The following TBCEL variants were observed in gnomAD, a reference collection of about 807,000 sequenced individuals.
TBCEL encodes tubulin folding cofactor E like, also known as tubulin-specific chaperone cofactor E-like protein.
Under a neutral mutation model 44.2 loss-of-function variants are expected in TBCEL, and 15 were observed. That is an observed-to-expected ratio of 0.34 (90% CI 0.23 to 0.52). The LOEUF is 0.52. Ranked by LOEUF, TBCEL falls within the 20% of genes least tolerant of loss-of-function variation. The pLI is 0.95. For missense variants in TBCEL, 319 were observed against 506.3 expected (o/e 0.63, Z 3.55); for synonymous variants, 171 against 185.4 (o/e 0.92, Z 0.63).
At chr11:121,064,254 C>A (rs1945776624) in intron 8 of TBCEL, among the ~76,000 whole-genome samples, 1 of 152,188 alleles carries the variant, frequency 6.6e-6, no homozygotes, top group South Asian at 2.1e-4. Flanking sequence ...GCAGACCTGT[C>A]TACTCTTACA....
chr11:121,054,525 A>G (rs948554459), intron 5 of TBCEL, among the ~76,000 whole-genome samples: 2 of 151,926 alleles, frequency 1.3e-5, no homozygotes, highest in African/African-American at 4.8e-5. Flanking sequence ...TAAAATGGGC[A>G]TAATTGCATT....
rs1256532988 is a variant in TBCEL at position 121,090,717 on chromosome 11, A to G, written c.*3621A>G. 6.6e-6 allele frequency: 1 copy of G among 150,488 alleles called. No individual in the cohort carries two copies. The highest frequency in any genetic ancestry group is 2.4e-5 in the African/African-American group (1 of 41,142). 9.3% of individuals were successfully genotyped at this position (150,488 alleles called of 1,614,324 possible). ...TTAAACATGAAGGTCTATTCTTTGCACTTTTTATTAATATATATATAGATA... is the reference window on the plus strand; with the variant it reads ...TTAAACATGAAGGTCTATTCTTTGCGCTTTTTATTAATATATATATAGATA... On this transcript the variant is annotated 3_prime_UTR_variant, in exon 9 of 9. Transcript: ENST00000683345.
At chr11:121,059,719 GC>G (rs1423762246) in intron 7 of TBCEL, among the ~76,000 whole-genome samples, 2 of 151,894 alleles carry the variant, frequency 1.3e-5, no homozygotes, top group African/African-American at 4.8e-5. Flanking sequence ...GGACAGTGCT[GC>G]CTAGAATCTT....
At chr11:121,082,844 A>C (rs941390607) in intron 8 of TBCEL, among the ~76,000 whole-genome samples, 5 of 152,174 alleles carry the variant, frequency 3.3e-5, no homozygotes, top group African/African-American at 1.2e-4. Flanking sequence ...GAAAGGGAAA[A>C]TCAGCAAGCT....
chr11:121,027,986 C>T (rs1945076357), intron 1 of TBCEL, among the ~76,000 whole-genome samples: 2 of 152,012 alleles, frequency 1.3e-5, no homozygotes, highest in African/African-American at 2.4e-5. Flanking sequence ...GTAGGAGGAT[C>T]GCTTGAATCC....
At chr11:121,041,638 C>T (rs1157092261) in intron 2 of TBCEL, among the ~76,000 whole-genome samples, 1 of 151,268 alleles carries the variant, frequency 6.6e-6, no homozygotes, top group African/African-American at 2.4e-5. Flanking sequence ...CCCCCAAAAA[C>T]CTTGTAAAGG....
chr11:121,087,469 CAT>C lies in TBCEL; in HGVS notation c.*375_*376del, dbSNP rs1347689482. On this transcript the variant is annotated 3_prime_UTR_variant, in exon 9 of 9. Coordinates refer to ENST00000683345, the MANE Select transcript of TBCEL (RefSeq NM_001363644.2). ...ACACTGTAGCCCCTTAGAAGGGTCT[CAT>C]AGAGAATTTAAACAGGGTGACAAGG... is the stretch of plus-strand genomic sequence containing the variant. 1.2e-5 allele frequency: 2 copies of C among 173,768 alleles called. No individual in the cohort carries two copies. The highest frequency in any genetic ancestry group is 2.4e-5 in the Non-Finnish European group (2 of 82,114). The allele number at this position is 173,768 out of a possible 1,614,324, so 10.8% of individuals were successfully genotyped here. A position where few individuals can be genotyped will look rare whatever the true frequency, so the allele number is the denominator to read the frequency against.
At chr11:121,044,116 A>G (rs1945384846) in intron 2 of TBCEL, among the ~76,000 whole-genome samples, 1 of 152,058 alleles carries the variant, frequency 6.6e-6, no homozygotes, top group Admixed American at 6.6e-5. Flanking sequence ...GCTTTTTAAC[A>G]TGATCGTGAA....
chr11:121,060,122 T>G, intron 8 of TBCEL, 37 bp downstream of exon 8: 1 of 1,463,024 alleles, frequency 6.8e-7, no homozygotes, highest in Non-Finnish European at 9.6e-7. Flanking sequence ...CTTTAGAGGG[T>G]GGTGATGCCA....
At chr11:121,077,228 T>A (rs1353829055) in intron 8 of TBCEL, among the ~76,000 whole-genome samples, 1 of 144,026 alleles carries the variant, frequency 6.9e-6, no homozygotes, top group Non-Finnish European at 1.6e-5. Flanking sequence ...TCTAAGATAT[T>A]TTGTAGAATT....
chr11:121,036,056 C>T (rs1468723611), intron 1 of TBCEL: 1 of 152,172 alleles, frequency 6.6e-6, no homozygotes, highest in African/African-American at 2.4e-5. Context: ...GAAAGTATGA[C>T]TTAGCACGCT....
intron 4 of TBCEL, among the ~76,000 whole-genome samples, chr11:121,050,641 G>T (rs945182678): frequency 1.3e-5 from 2 of 151,566 alleles, no homozygotes; most frequent in Non-Finnish European, 3.0e-5. Context: ...TTTTATAAAA[G>T]AAATTAAACC....
intron 8 of TBCEL, among the ~76,000 whole-genome samples, chr11:121,072,188 T>C (rs971896748): frequency 2.0e-5 from 3 of 152,144 alleles, no homozygotes; most frequent in Non-Finnish European, 4.4e-5. Flanking sequence ...CTAATCTTGA[T>C]TGGAGTCATA....
intron 8 of TBCEL, among the ~76,000 whole-genome samples, chr11:121,076,114 A>G (rs1168274095): frequency 6.6e-6 from 1 of 151,946 alleles, no homozygotes; most frequent in African/African-American, 2.4e-5. Context: ...CAATTAAGGT[A>G]GTGTGGGTCC....
chr11:121,068,062 C>G (rs1466506581), intron 8 of TBCEL, among the ~76,000 whole-genome samples: 1 of 152,184 alleles, frequency 6.6e-6, no homozygotes, highest in Non-Finnish European at 1.5e-5. Flanking sequence ...ACACTTTTAG[C>G]CAGTCCCGAG....
At chr11:121,070,935 G>T (rs1433466932) in intron 8 of TBCEL, among the ~76,000 whole-genome samples, 1 of 151,918 alleles carries the variant, frequency 6.6e-6, no homozygotes. Flanking sequence ...TGTCTTTTTA[G>T]AGAGATTATG....
intron 2 of TBCEL, among the ~76,000 whole-genome samples, chr11:121,038,916 GA>G (rs1160694788): frequency 6.6e-6 from 1 of 151,994 alleles, no homozygotes; most frequent in Non-Finnish European, 1.5e-5. Flanking sequence ...AACTGTACTG[GA>G]AGTGCTTCTC....
intron 1 of TBCEL, among the ~76,000 whole-genome samples, chr11:121,027,550 T>C (rs962293069): frequency 6.6e-6 from 1 of 152,202 alleles, no homozygotes; most frequent in Admixed American, 6.5e-5. Context: ...GCATCATCAT[T>C]ACACTCCTAA....
chr11:121,034,093 G>C (rs535053203), intron 1 of TBCEL, among the ~76,000 whole-genome samples: 1 of 152,108 alleles, frequency 6.6e-6, no homozygotes, highest in South Asian at 2.1e-4. Flanking sequence ...TTTGACTCCT[G>C]CTTTTGATTC....
Sources: allele counts gnomAD v4.1 joint callset (sites outside exome capture counted in the v4.1 genomes callset), GRCh38; gene constraint gnomAD v4.1.1; transcripts MANE v1.5; gene names NCBI Gene and HGNC (gene_info 2026-07-23, HGNC 2026-07-21).